The following BTRC variants were observed in gnomAD, a reference collection of about 807,000 sequenced individuals.
BTRC encodes beta-transducin repeat containing E3 ubiquitin protein ligase, also known as F-box/WD repeat-containing protein 1A.
In BTRC, 42 loss-of-function variants were observed where a neutral mutation model predicts 85.5. The ratio of observed to expected loss-of-function variants is 0.49; its 90% confidence interval spans 0.38 to 0.64. The LOEUF (loss-of-function observed/expected upper bound fraction) is 0.64, where lower values mean the gene tolerates loss of function less well. Ranked by LOEUF, BTRC falls within the 30% of genes least tolerant of loss-of-function variation. BTRC has a pLI of 0.00. For synonymous variants in BTRC, 255 were observed against 263.3 expected, an observed-to-expected ratio of 0.97 and a Z score of 0.30; for missense variants, 594 against 743.5, an observed-to-expected ratio of 0.80 and a Z score of 2.34.
intron 1 of BTRC, among the ~76,000 whole-genome samples, chr10:101,411,363 G>A (rs1589435124): frequency 1.3e-5 from 2 of 152,054 alleles, no homozygotes; most frequent in Non-Finnish European, 2.9e-5. Context: ...TTGGAAATAT[G>A]CATTTTCCAA....
chr10:101,479,482 A>G lies in BTRC; in HGVS notation c.324+25A>G, dbSNP rs534544666. 26 of 1,554,928 alleles carry G rather than the reference A, an allele frequency of 1.7e-5. No individual in the cohort carries two copies. In the South Asian group the frequency reaches 2.3e-4, roughly 14 times the overall value. ...AGTAAGTAATATTGCTCATCAATGTATATTACACCACACCATAACAGTGCC... is the reference window on the plus strand; with the variant it reads ...AGTAAGTAATATTGCTCATCAATGTGTATTACACCACACCATAACAGTGCC... On this transcript the variant is annotated intron_variant, in intron 4 of 14. Transcript: ENST00000370187.
chr10:101,534,783 T>A lies in BTRC; in HGVS notation c.1220T>A (p.Val407Glu). ...VTCSKDRSIA[V>E]WDMASPTDIT... ...TGCTCCAAAGATCGTTCCATTGCTG[T>A]ATGGGATATGGCCTCCCCAACTGAC... The change falls in exon 10 of 15, where the codon GTA becomes GAA. Residue 407 changes from valine to glutamate, a missense_variant. Physicochemically the swap from Val to Glu is moderately radical, Grantham distance 121. Transcript: ENST00000370187. 1 of 1,614,198 alleles carries A rather than the reference T, an allele frequency of 6.2e-7. No homozygotes were observed. Among genetic ancestry groups the A allele is most frequent in the Non-Finnish European group, 8.5e-7 (1 of 1,180,020 alleles).
intron 4 of BTRC, among the ~76,000 whole-genome samples, chr10:101,502,446 G>A (rs1228530662): frequency 6.6e-6 from 1 of 151,508 alleles, no homozygotes; most frequent in Non-Finnish European, 1.5e-5. Context: ...GAAGATCTTT[G>A]AGGGCTTCCT....
At chr10:101,474,912 A>T (rs1045279558) in intron 3 of BTRC, among the ~76,000 whole-genome samples, 2 of 152,164 alleles carry the variant, frequency 1.3e-5, no homozygotes, top group African/African-American at 4.8e-5. Context: ...GGTTTATCTG[A>T]TACAAACATT....
chr10:101,385,090 T>G (rs1943030687), intron 1 of BTRC, among the ~76,000 whole-genome samples: 1 of 151,608 alleles, frequency 6.6e-6, no homozygotes, highest in South Asian at 2.1e-4. Context: ...AAAATTAGCG[T>G]GGCATGGTGG....
chr10:101,408,499 G>A (rs1429560237), intron 1 of BTRC, among the ~76,000 whole-genome samples: 4 of 152,024 alleles, frequency 2.6e-5, no homozygotes, highest in East Asian at 1.9e-4. Flanking sequence ...CAGAGACAGA[G>A]TTTTGCCATG....
intron 13 of BTRC, among the ~76,000 whole-genome samples, chr10:101,542,000 G>T (rs2062476319): frequency 6.6e-6 from 1 of 152,100 alleles, no homozygotes; most frequent in African/African-American, 2.4e-5. Context: ...GTGATATTAT[G>T]CTTCTTTAAA....
chr10:101,411,303 A>C (rs545513681), intron 1 of BTRC, among the ~76,000 whole-genome samples: 1 of 152,226 alleles, frequency 6.6e-6, no homozygotes, highest in East Asian at 1.9e-4. Context: ...CATTTCTGGC[A>C]CTTTTTATAG....
At chr10:101,513,438 A>G (rs1242285768) in intron 4 of BTRC, among the ~76,000 whole-genome samples, 5 of 152,340 alleles carry the variant, frequency 3.3e-5, no homozygotes, top group South Asian at 2.1e-4. Context: ...TTCCCCAGTC[A>G]GTCCCATCTC....
intron 3 of BTRC, among the ~76,000 whole-genome samples, chr10:101,474,535 C>G (rs1301793011): frequency 6.6e-6 from 1 of 152,242 alleles, no homozygotes; most frequent in East Asian, 1.9e-4. Flanking sequence ...CCTTCATGTA[C>G]GTAGTTTGGG....
At chr10:101,407,512 A>G (rs2134014392) in intron 1 of BTRC, among the ~76,000 whole-genome samples, 1 of 151,492 alleles carries the variant, frequency 6.6e-6, no homozygotes, top group East Asian at 2.0e-4. Flanking sequence ...CTCTGGCTTC[A>G]AGTGATTCTC....
chr10:101,457,593 A>C (rs1397751520), intron 2 of BTRC, among the ~76,000 whole-genome samples: 4 of 152,232 alleles, frequency 2.6e-5, no homozygotes, highest in Non-Finnish European at 5.9e-5. Flanking sequence ...TTCATAGACT[A>C]TTATTACTCA....
rs1243401071 is a variant in BTRC, at chr10:101,550,742, A to T, written c.1700A>T (p.Gln567Leu). The change falls in exon 14 of 15, where the codon CAG becomes CTG. Residue 567 changes from glutamine (Q) to leucine (L), a missense_variant. Gln to Leu is a moderately radical substitution (Grantham distance 113). Coordinates refer to ENST00000370187, the MANE Select transcript of BTRC (RefSeq NM_033637.4). ...TTTCGACTACAGTTTGATGAATTCC[A>T]GATTGTCAGTAGTTCACATGATGAC... is the stretch of plus-strand genomic sequence containing the variant. The part of the protein sequence containing the change: ...RVFRLQFDEF[Q>L]IVSSSHDDTI... 6.2e-7 allele frequency: 1 copy of T among 1,613,656 alleles called. No individual in the cohort carries two copies. The highest frequency in any genetic ancestry group is 8.5e-7 in the Non-Finnish European group (1 of 1,179,766).
At chr10:101,456,199 C>G (rs991625746) in intron 2 of BTRC, among the ~76,000 whole-genome samples, 12 of 151,578 alleles carry the variant, frequency 7.9e-5, no homozygotes, top group East Asian at 7.7e-4. Context: ...GATTGCCACT[C>G]TAGTGTATAG....
At chr10:101,425,758 T>A (rs2134066681) in intron 1 of BTRC, among the ~76,000 whole-genome samples, 1 of 151,872 alleles carries the variant, frequency 6.6e-6, no homozygotes, top group African/African-American at 2.4e-5. Flanking sequence ...TGCAGTGAGC[T>A]GTGATCGTGC....
rs568704641 is a variant in BTRC at position 101,390,762 on chromosome 10, TAAAAAAGA to T, written c.48+36537_48+36544del. 5.8e-3 allele frequency among the ~76,000 whole-genome samples: 871 copies of T among 150,738 alleles called. 6 individuals are homozygous for T. The highest frequency in any genetic ancestry group is 0.018 in the African/African-American group (727 of 40,870). ...CACTTTTATTTAATTTTGTTTGTCT[TAAAAAAGA>T]AAGAAAGAAAGAAAGAAAAACAACA... On this transcript the variant is annotated intron_variant, in intron 1 of 14. Coordinates refer to ENST00000370187, the MANE Select transcript of BTRC (RefSeq NM_033637.4).
intron 6 of BTRC, among the ~76,000 whole-genome samples, chr10:101,527,641 C>T (rs1421803841): frequency 1.3e-5 from 2 of 152,072 alleles, no homozygotes; most frequent in Non-Finnish European, 2.9e-5. Context: ...GTAATCCCAG[C>T]CACTCAGGAG....
At chr10:101,550,439 C>T (rs1379837116) in intron 13 of BTRC, among the ~76,000 whole-genome samples, 1 of 151,976 alleles carries the variant, frequency 6.6e-6, no homozygotes, top group East Asian at 1.9e-4. Context: ...CACATGCCAC[C>T]AGCCCGGCTA....
chr10:101,453,015 T>G (rs1320433040), intron 2 of BTRC, among the ~76,000 whole-genome samples: 2 of 152,218 alleles, frequency 1.3e-5, no homozygotes, highest in Non-Finnish European at 1.5e-5. Flanking sequence ...AGTGTTTTTT[T>G]TTAATGTCAC....
Sources: gnomAD v4.1 joint callset for allele counts (sites outside exome capture counted in the v4.1 genomes callset) on GRCh38, gnomAD v4.1.1 for gene constraint, MANE v1.5 for transcripts, NCBI Gene and HGNC (gene_info 2026-07-23, HGNC 2026-07-21) for gene names.